The following CAPS2 variants were observed in gnomAD, a reference collection of about 807,000 sequenced individuals.
The protein encoded by CAPS2 is calcyphosin-2.
CAPS2 carries 98 observed loss-of-function variants against 86.5 expected under a neutral mutation model. The ratio of observed to expected loss-of-function variants is 1.13; its 90% CI spans 0.96 to 1.34. CAPS2 has a LOEUF of 1.34. Ranked by LOEUF, CAPS2 falls within the 40% of genes most tolerant of loss-of-function variation. The pLI is 0.00. For synonymous variants in CAPS2, 210 were observed against 225.1 expected (o/e 0.93, Z 0.60); for missense variants, 729 against 686.8 (o/e 1.06, Z -0.69).
At chr12:75,276,562 T>G (rs1017414219), downstream of CAPS2, 36 of 978,452 alleles carry the variant, frequency 3.7e-5, no homozygotes, top group African/African-American at 6.3e-4. Flanking sequence ...AACTATAATG[T>G]GATTGCTCCA....
exon 17 of CAPS2, chr12:75,277,321 A>T: frequency 1.0e-6 from 1 of 970,564 alleles, no homozygotes; most frequent in Non-Finnish European, 1.2e-6. Flanking sequence ...AATAAAAATT[A>T]TCAATGAAAA....
intron 6 of CAPS2, among the ~76,000 whole-genome samples, chr12:75,315,474 C>A (rs1030446150): frequency 3.9e-5 from 6 of 152,076 alleles, no homozygotes; most frequent in Non-Finnish European, 7.4e-5. Flanking sequence ...CTTGGGACAT[C>A]CACAGAAAAT....
chr12:75,329,976 G>C, upstream of CAPS2: 1 of 925,964 alleles, frequency 1.1e-6, no homozygotes, highest in East Asian at 2.8e-5. Flanking sequence ...GTTGGAAAAG[G>C]TATAAACTAG....
chr12:75,311,980 C>T (rs1053298220), intron 7 of CAPS2, among the ~76,000 whole-genome samples: 5 of 152,110 alleles, frequency 3.3e-5, no homozygotes, highest in African/African-American at 9.7e-5. Flanking sequence ...CATGTAGAAA[C>T]AGCCACCATT....
In CAPS2 at chr12:75,293,464, C is replaced by T. The variant is rs113580607; in HGVS notation, c.1045-97G>A. ...ATAATGGATTTTGATTAATGTGACA[C>T]GATATACTTTAACAAGGGTAAGAAG... On this transcript the variant is annotated intron_variant, in intron 11 of 16. Transcript: ENST00000393284. 172 of 780,854 alleles carry T rather than the reference C, an allele frequency of 2.2e-4. 2 individuals carry two copies. The highest frequency in any genetic ancestry group is 5.4e-4 in the East Asian group (21 of 38,534). 48.4% of individuals were successfully genotyped at this position (780,854 alleles called of 1,614,324 possible).
intron 5 of CAPS2, among the ~76,000 whole-genome samples, chr12:75,317,789 C>T (rs1167825964): frequency 1.3e-5 from 2 of 151,958 alleles, no homozygotes; most frequent in African/African-American, 2.4e-5. Flanking sequence ...ACATCCATCA[C>T]CACACATAGT....
intron 1 of CAPS2, chr12:75,370,060 C>A: frequency 6.9e-7 from 1 of 1,447,148 alleles, no homozygotes; most frequent in Non-Finnish European, 9.7e-7. Flanking sequence ...CTTAACTATT[C>A]TGGTTTTGTT....
chr12:75,389,718 G>C (rs1052977635), intron 1 of CAPS2, among the ~76,000 whole-genome samples: 2 of 152,136 alleles, frequency 1.3e-5, no homozygotes, highest in African/African-American at 4.8e-5. Context: ...TCTTAGACTT[G>C]TCTGTTTCAC....
intron 7 of CAPS2, among the ~76,000 whole-genome samples, chr12:75,309,964 C>T (rs568258092): frequency 3.9e-5 from 6 of 152,302 alleles, no homozygotes; most frequent in African/African-American, 1.4e-4. Context: ...TATGAAACCT[C>T]AAACAGCAAA....
intron 1 of CAPS2, among the ~76,000 whole-genome samples, chr12:75,359,440 T>G (rs1770626756): frequency 6.7e-6 from 1 of 149,340 alleles, no homozygotes; most frequent in Admixed American, 6.7e-5. Flanking sequence ...CCACCAGGAT[T>G]TTATTGTATA....
intron 14 of CAPS2, among the ~76,000 whole-genome samples, chr12:75,285,904 C>T (rs1020792926): frequency 6.6e-6 from 1 of 151,928 alleles, no homozygotes; most frequent in Non-Finnish European, 1.5e-5. Context: ...TATTATTCTA[C>T]AATTTACACT....
upstream of CAPS2, chr12:75,330,106 C>T (rs1393259662): frequency 5.3e-6 from 2 of 379,322 alleles, no homozygotes; most frequent in Middle Eastern, 6.5e-4. Flanking sequence ...TGATTACACT[C>T]TGACCTCCAG....
intron 1 of CAPS2, among the ~76,000 whole-genome samples, chr12:75,377,868 T>C (rs1409764091): frequency 1.3e-5 from 2 of 150,546 alleles, no homozygotes; most frequent in South Asian, 2.1e-4. Flanking sequence ...TATGCGTGTG[T>C]GTGTGTGTCT....
chr12:75,282,139 T>C (rs2034065484), intron 16 of CAPS2, 112 bp downstream of exon 16: 10 of 682,152 alleles, frequency 1.5e-5, no homozygotes, highest in South Asian at 3.4e-5. Context: ...TTCAAAAAAA[T>C]AGTTTATTTC....
At chr12:75,340,044 C>T (rs1167099217) in intron 1 of CAPS2, among the ~76,000 whole-genome samples, 1 of 151,990 alleles carries the variant, frequency 6.6e-6, no homozygotes, top group Non-Finnish European at 1.5e-5. Context: ...GAATAATGGT[C>T]TCCAACTCCA....
chr12:75,389,654 G>A (rs1449192626), intron 1 of CAPS2, among the ~76,000 whole-genome samples: 1 of 152,136 alleles, frequency 6.6e-6, no homozygotes, highest in Admixed American at 6.5e-5. Context: ...CTAGCGTTTA[G>A]GATCTTCCTC....
At chr12:75,376,387 G>A (rs753850317) in intron 1 of CAPS2, among the ~76,000 whole-genome samples, 24 of 152,162 alleles carry the variant, frequency 1.6e-4, no homozygotes, top group Non-Finnish European at 3.2e-4. Context: ...CATTCTTTTG[G>A]AGTGTAGTGC....
At chr12:75,278,759 A>AAAAC (rs1279309070) in exon 17 of CAPS2, 1 of 1,331,584 alleles carries the variant, frequency 7.5e-7, no homozygotes, top group Non-Finnish European at 9.6e-7. Context: ...AAAACAAAAC[A>AAAAC]AAACAAACAA....
exon 17 of CAPS2, chr12:75,278,366 T>A (rs1174039356): frequency 1.0e-6 from 1 of 984,150 alleles, no homozygotes; most frequent in Non-Finnish European, 1.2e-6. Flanking sequence ...GCTTGAAAAA[T>A]TTCTCTTGCA....
Sources: gnomAD v4.1 joint callset for allele counts (sites outside exome capture counted in the v4.1 genomes callset) on GRCh38, gnomAD v4.1.1 for gene constraint, MANE v1.5 for transcripts, NCBI Gene and HGNC (gene_info 2026-07-23, HGNC 2026-07-21) for gene names.